The following CDC45 variants were observed in gnomAD, a reference collection of about 807,000 sequenced individuals.
CDC45 encodes cell division control protein 45 homolog.
CDC45 carries 54 observed loss-of-function variants against 77.8 expected under a neutral mutation model. That is an observed-to-expected ratio of 0.69 (90% CI 0.56 to 0.87). The LOEUF is 0.87. Among genes scored for constraint, CDC45 ranks in the 40% least tolerant of loss-of-function variants. The pLI is 0.00. For missense variants in CDC45, 649 were observed against 721.6 expected, an observed-to-expected ratio of 0.90 and a Z score of 1.15; for synonymous variants, 260 against 272.1, an observed-to-expected ratio of 0.96 and a Z score of 0.44.
At chr22:19,480,392 C>T (rs986420689) in intron 2 of CDC45, among the ~76,000 whole-genome samples, 175 bp downstream of exon 2, 4 of 152,140 alleles carry the variant, frequency 2.6e-5, no homozygotes, top group Non-Finnish European at 5.9e-5. Flanking sequence ...GAGGTTGCCT[C>T]CCTGTCCCAA....
At chr22:19,503,262 T>G (rs1932970216) in intron 9 of CDC45, among the ~76,000 whole-genome samples, 1 of 152,206 alleles carries the variant, frequency 6.6e-6, no homozygotes, top group African/African-American at 2.4e-5. Flanking sequence ...CTGATGAAGA[T>G]GTACGTCTCT....
At chr22:19,507,728 G>A (rs941066901) in intron 11 of CDC45, 38 bp from the exon 12 acceptor site, 2 of 1,495,200 alleles carry the variant, frequency 1.3e-6, no homozygotes, top group Non-Finnish European at 1.8e-6. Flanking sequence ...TCGGTGTGTG[G>A]TGACCTCACT....
intron 9 of CDC45, among the ~76,000 whole-genome samples, chr22:19,499,752 G>T (rs966249880): frequency 6.6e-6 from 1 of 152,194 alleles, no homozygotes; most frequent in South Asian, 2.1e-4. Flanking sequence ...GCTAATGCAC[G>T]AAGTGGCCCA....
At chr22:19,517,288 C>G (rs374952729) in intron 17 of CDC45, among the ~76,000 whole-genome samples, 55 of 152,290 alleles carry the variant, frequency 3.6e-4, no homozygotes, top group African/African-American at 1.0e-3. Context: ...GGACACCAAC[C>G]CTTGCTGCGC....
At chr22:19,482,613 A>G (rs2090000601) in intron 3 of CDC45, 77 bp from the exon 4 acceptor site, 2 of 1,487,104 alleles carry the variant, frequency 1.3e-6, no homozygotes, top group Non-Finnish European at 1.8e-6. Flanking sequence ...TTTAAGCAGA[A>G]CAACTCAGAG....
chr22:19,507,638 C>A, intron 11 of CDC45, 121 bp downstream of exon 11: 1 of 1,406,396 alleles, frequency 7.1e-7, no homozygotes, highest in Non-Finnish European at 9.9e-7. Context: ...AAGCTCCTTG[C>A]CCTAGATCCC....
intron 9 of CDC45, among the ~76,000 whole-genome samples, chr22:19,503,350 A>G (rs1932973281): frequency 6.6e-6 from 1 of 152,120 alleles, no homozygotes; most frequent in Admixed American, 6.5e-5. Flanking sequence ...TCCAGCTGAG[A>G]CGATATACAC....
At chr22:19,494,540 G>A (rs528856178) in intron 6 of CDC45, 158 bp downstream of exon 6, 10 of 1,551,130 alleles carry the variant, frequency 6.4e-6, no homozygotes, top group Non-Finnish European at 7.8e-6. Context: ...CCGCTGCATT[G>A]GAGAAGAGCT....
chr22:19,483,208 G>A (rs553855234), intron 4 of CDC45, among the ~76,000 whole-genome samples: 135 of 152,282 alleles, frequency 8.9e-4, no homozygotes, highest in African/African-American at 2.2e-3. Flanking sequence ...CGAGGCAGGC[G>A]GATTACGAGG....
At chr22:19,499,668 C>T (rs1034549909) in intron 9 of CDC45, among the ~76,000 whole-genome samples, 5 of 152,184 alleles carry the variant, frequency 3.3e-5, no homozygotes, top group Non-Finnish European at 5.9e-5. Context: ...GATAGACTGA[C>T]GGTGAGCTGC....
At chr22:19,482,646 G>A (rs757685230) in intron 3 of CDC45, 44 bp from the exon 4 acceptor site, 2 of 1,594,652 alleles carry the variant, frequency 1.3e-6, no homozygotes, top group East Asian at 2.2e-5. Context: ...AGGAAAAGGG[G>A]CCTCCTCGAT....
chr22:19,516,945 T>G, intron 17 of CDC45, 52 bp downstream of exon 17: 2 of 1,490,092 alleles, frequency 1.3e-6, no homozygotes, highest in Non-Finnish European at 1.9e-6. Context: ...CCTTTGAGGC[T>G]ATTGCAGGCC....
chr22:19,479,560 C>T (rs1185955308), upstream of CDC45: 4 of 572,094 alleles, frequency 7.0e-6, no homozygotes, highest in South Asian at 6.1e-5. Context: ...AACGTAAATG[C>T]TGCCCCATTG....
At chr22:19,503,208 C>T (rs1932968415) in intron 9 of CDC45, among the ~76,000 whole-genome samples, 1 of 152,116 alleles carries the variant, frequency 6.6e-6, no homozygotes, top group African/African-American at 2.4e-5. Context: ...AGTTTTTCCA[C>T]AGGAATTTCT....
At chr22:19,482,570 G>A (rs2089999823) in intron 3 of CDC45, 120 bp from the exon 4 acceptor site, 10 of 1,078,326 alleles carry the variant, frequency 9.3e-6, no homozygotes, top group African/African-American at 6.3e-5. Context: ...CCCTTGCCAC[G>A]TGGGCCTCGC....
rs533719197 is a variant in CDC45, at chr22:19,518,246, A to G, written c.1637-598A>G. ...CAGGGGTGAGGGTGCAGAGTGGGCCATGTCTAGTGCCCACCTGCGTGGGCT... is the reference window on the plus strand; with the variant it reads ...CAGGGGTGAGGGTGCAGAGTGGGCCGTGTCTAGTGCCCACCTGCGTGGGCT... On this transcript the variant is annotated intron_variant, in intron 17 of 18. Transcript: ENST00000263201. 1.6e-4 allele frequency among the ~76,000 whole-genome samples: 25 copies of G among 152,144 alleles called. No individual in the cohort carries two copies. The South Asian group carries it at 1.9e-3, about 11-fold the overall frequency.
At chr22:19,484,937 T>G (rs1014962174) in intron 5 of CDC45, among the ~76,000 whole-genome samples, 17 of 57,952 alleles carry the variant, frequency 2.9e-4, no homozygotes, top group South Asian at 1.4e-3. Flanking sequence ...TTGTTTTTTG[T>G]TTTTTTTTTG....
At position 19,507,796 on chromosome 22, in the gene CDC45, C is replaced by G; in HGVS notation, c.987C>G (p.Phe329Leu). The G allele has an allele frequency of 3.1e-6, 5 of 1,601,544 alleles. No individual in the cohort carries two copies. Among genetic ancestry groups the G allele is most frequent in the Non-Finnish European group, 4.3e-6 (5 of 1,175,662 alleles). ...CCCTGAAGCAGGTGAAGCAGAAGTT[C>G]CAGGCCATGGACATCTCCTTGAAGG... ...GLPLKQVKQKFQAMDISLKEN... is the reference protein window; with the variant it reads ...GLPLKQVKQKLQAMDISLKEN... Residue 329 changes from phenylalanine to leucine, a missense_variant, in exon 12 of 19, where the codon TTC becomes TTG. Physicochemically the swap from Phe to Leu is conservative, Grantham distance 22. Coordinates refer to ENST00000263201, the MANE Select transcript of CDC45 (RefSeq NM_003504.5).
chr22:19,480,586 T>A (rs1210942953), intron 2 of CDC45, among the ~76,000 whole-genome samples: 1 of 152,138 alleles, frequency 6.6e-6, no homozygotes, highest in Non-Finnish European at 1.5e-5. Flanking sequence ...GGTATAGTCG[T>A]GTCACAGGTG....
Sources: allele counts gnomAD v4.1 joint callset (sites outside exome capture counted in the v4.1 genomes callset), GRCh38; gene constraint gnomAD v4.1.1; transcripts MANE v1.5; gene names NCBI Gene and HGNC (gene_info 2026-07-23, HGNC 2026-07-21).